ZNF804B: variants seen among roughly 807,000 people sequenced by gnomAD.
The protein encoded by ZNF804B is zinc finger 804B.
ZNF804B carries 80 observed loss-of-function variants against 101.4 expected under a neutral mutation model. The ratio of observed to expected loss-of-function variants is 0.79; its 90% CI spans 0.66 to 0.95. The LOEUF (loss-of-function observed/expected upper bound fraction) is 0.95. ZNF804B is among the 40% of genes least tolerant of loss of function. The pLI is 0.00. For missense variants in ZNF804B, 1,673 were observed against 1,561.9 expected (o/e 1.07, Z -1.20); for synonymous variants, 622 against 558.8 (o/e 1.11, Z -1.59).
Position 89,335,753 on chromosome 7 carries a change from C to G in ZNF804B, c.2771C>G (p.Thr924Arg). ...NTAEGERTPL[T>R]AKILLERVQA... ...GCAGAAGGAGAGAGGACCCCTCTAA[C>G]AGCAAAAATCCTTTTAGAAAGAGTA... is the stretch of plus-strand genomic sequence containing the variant. Residue 924 changes from threonine to arginine, a missense_variant, in exon 4 of 4, where the codon ACA becomes AGA. Transcript: ENST00000333190. 6.2e-7 allele frequency: 1 copy of G among 1,613,986 alleles called. No homozygotes were observed. The highest frequency in any genetic ancestry group is 1.7e-5 in the Admixed American group (1 of 59,996).
At chr7:89,168,535 C>T (rs1416538348) in intron 1 of ZNF804B, among the ~76,000 whole-genome samples, 1 of 151,962 alleles carries the variant, frequency 6.6e-6, no homozygotes, top group Admixed American at 6.6e-5. Flanking sequence ...CAATGAAAAC[C>T]TTTCTAGCTA....
At position 89,259,581 on chromosome 7, in the gene ZNF804B, A is replaced by T. The variant is rs144889927; in HGVS notation, c.249+41286A>T. On this transcript the variant is annotated intron_variant, in intron 2 of 3. Coordinates refer to ENST00000333190, the MANE Select transcript of ZNF804B (RefSeq NM_181646.5). ...TTGACAAGACTTTCCATAGAATGCCATGTGTAATGAGCCTTAAGCGTCCTA... is the reference window on the plus strand; with the variant it reads ...TTGACAAGACTTTCCATAGAATGCCTTGTGTAATGAGCCTTAAGCGTCCTA... 1.9e-3 allele frequency among the ~76,000 whole-genome samples: 289 copies of T among 152,284 alleles called. 2 individuals are homozygous for T. The highest frequency in any genetic ancestry group is 6.5e-3 in the African/African-American group (272 of 41,568).
At position 88,814,488 on chromosome 7, in the gene ZNF804B, A is replaced by ACG. The variant is rs1332364633; in HGVS notation, c.108+54405_108+54406insGC. Among the ~76,000 whole-genome samples the ACG allele has an allele frequency of 9.5e-5, 13 of 136,156 alleles. No individual in the cohort carries two copies. The South Asian group carries it at 3.2e-3, about 34-fold the overall frequency. The allele number at this position is 136,156 out of a possible 152,430, so 89.3% of individuals were successfully genotyped here. On this transcript the variant is annotated intron_variant, in intron 1 of 3. Coordinates refer to ENST00000333190, the MANE Select transcript of ZNF804B (RefSeq NM_181646.5). ...CACACACACACACACACACACACAC[A>ACG]CACAGAAAGTTTAATGATAATAGCA...
intron 1 of ZNF804B, among the ~76,000 whole-genome samples, chr7:88,870,019 G>C (rs1452271661): frequency 1.3e-5 from 2 of 152,162 alleles, no homozygotes; most frequent in Admixed American, 6.5e-5. Context: ...TGAAGGACAG[G>C]CTCTGGGATG....
chr7:88,853,577 A>C (rs933173414), intron 1 of ZNF804B, among the ~76,000 whole-genome samples: 2 of 152,126 alleles, frequency 1.3e-5, no homozygotes, highest in African/African-American at 4.8e-5. Context: ...AGTAGTCAAT[A>C]TCTCTCTAAA....
chr7:88,760,005 G>A lies in ZNF804B; in HGVS notation c.29G>A (p.Arg10Lys). The change falls in exon 1 of 4, where the codon AGA becomes AAA. Residue 10 changes from arginine to lysine, a missense_variant. Coordinates refer to ENST00000333190, the MANE Select transcript of ZNF804B (RefSeq NM_181646.5). ...GCTTGTTACCTGGTCATCAGTTCGA[G>A]ACATCTCAGCAATGGGCACTACCGG... MACYLVISS[R>K]HLSNGHYRGI... The A allele has an allele frequency of 6.2e-7, 1 of 1,614,216 alleles. No individual in the cohort carries two copies. The highest frequency in any genetic ancestry group is 8.5e-7 in the Non-Finnish European group (1 of 1,180,032).
chr7:89,302,266 C>T (rs1790487147), intron 2 of ZNF804B, among the ~76,000 whole-genome samples: 1 of 151,800 alleles, frequency 6.6e-6, no homozygotes, highest in South Asian at 2.1e-4. Flanking sequence ...TTGCTTGTAC[C>T]TGTATTAGAG....
intron 2 of ZNF804B, among the ~76,000 whole-genome samples, chr7:89,232,186 A>G: frequency 6.6e-6 from 1 of 152,102 alleles, no homozygotes; most frequent in East Asian, 1.9e-4. Context: ...ACTGAGATGA[A>G]TGCGTGGTGC....
chr7:88,849,251 A>T (rs921987765), intron 1 of ZNF804B, among the ~76,000 whole-genome samples: 2 of 152,132 alleles, frequency 1.3e-5, no homozygotes, highest in Non-Finnish European at 2.9e-5. Flanking sequence ...TCCATATCTC[A>T]CTTCATTTAC....
chr7:89,034,481 A>G (rs769158782), intron 1 of ZNF804B, among the ~76,000 whole-genome samples: 2 of 151,388 alleles, frequency 1.3e-5, no homozygotes, highest in Admixed American at 1.3e-4. Context: ...ACTCCCACTT[A>G]TGAGTGAGAA....
chr7:89,187,791 A>C (rs891128978), intron 1 of ZNF804B, among the ~76,000 whole-genome samples: 1 of 152,178 alleles, frequency 6.6e-6, no homozygotes, highest in African/African-American at 2.4e-5. Context: ...TAACTTTGAC[A>C]TGTAAGGATC....
intron 1 of ZNF804B, among the ~76,000 whole-genome samples, chr7:88,806,288 C>G (rs972633982): frequency 2.6e-5 from 4 of 152,018 alleles, no homozygotes; most frequent in Admixed American, 6.6e-5. Context: ...TTAAAATTGT[C>G]AACTCTTTTA....
intron 1 of ZNF804B, among the ~76,000 whole-genome samples, chr7:88,991,849 A>G (rs975148596): frequency 1.3e-5 from 2 of 152,156 alleles, no homozygotes; most frequent in African/African-American, 4.8e-5. Flanking sequence ...TATAGCTACT[A>G]CCATGAGGTC....
intron 1 of ZNF804B, among the ~76,000 whole-genome samples, chr7:88,810,918 T>C (rs975837757): frequency 9.2e-5 from 14 of 152,266 alleles, no homozygotes; most frequent in African/African-American, 3.4e-4. Context: ...TTATGTATTT[T>C]GTAAGAGTTT....
chr7:89,313,062 C>T lies in ZNF804B; in HGVS notation c.250-14282C>T, dbSNP rs551099129. ...AGTGAGCTACTGCTTGATTTCAGAA[C>T]AGGCTGGACTTTTGAATCCACAAAA... On this transcript the variant is annotated intron_variant, in intron 2 of 3. Coordinates refer to ENST00000333190, the MANE Select transcript of ZNF804B (RefSeq NM_181646.5). Among the ~76,000 whole-genome samples the T allele has an allele frequency of 2.3e-3, 346 of 152,298 alleles. 3 individuals carry two copies. The highest frequency in any genetic ancestry group is 2.9e-3 in the Non-Finnish European group (196 of 68,022).
At chr7:88,815,201 A>G (rs920660984) in intron 1 of ZNF804B, among the ~76,000 whole-genome samples, 1 of 147,886 alleles carries the variant, frequency 6.8e-6, no homozygotes, top group Non-Finnish European at 1.5e-5. Flanking sequence ...ATATTTTTAT[A>G]TATTCTCTAT....
At chr7:88,968,127 C>T (rs1793483809) in intron 1 of ZNF804B, among the ~76,000 whole-genome samples, 1 of 136,702 alleles carries the variant, frequency 7.3e-6, no homozygotes, top group South Asian at 2.4e-4. Flanking sequence ...AAAATTAAGT[C>T]AAAGTTAACC....
chr7:89,095,096 T>A (rs1789951861), intron 1 of ZNF804B, among the ~76,000 whole-genome samples: 1 of 152,142 alleles, frequency 6.6e-6, no homozygotes, highest in Admixed American at 6.5e-5. Context: ...TCATCCCCAA[T>A]GAAATAGTAG....
At chr7:89,249,739 GA>G (rs1203208920) in intron 2 of ZNF804B, among the ~76,000 whole-genome samples, 1 of 151,782 alleles carries the variant, frequency 6.6e-6, no homozygotes, top group Non-Finnish European at 1.5e-5. Context: ...TAAAAAACAA[GA>G]ACAAACTAAC....
Sources: allele counts gnomAD v4.1 joint callset (sites outside exome capture counted in the v4.1 genomes callset), GRCh38; gene constraint gnomAD v4.1.1; transcripts MANE v1.5; gene names NCBI Gene and HGNC (gene_info 2026-07-23, HGNC 2026-07-21).